The following DCC variants were observed in gnomAD, a reference collection of about 807,000 sequenced individuals.
DCC encodes DCC netrin 1 receptor.
A neutral mutation model predicts 172.5 loss-of-function variants in DCC; 58 were observed. The observed-to-expected ratio is 0.34, with a 90% CI of 0.27 to 0.42. The LOEUF is 0.42. Ranked by LOEUF, DCC falls within the 10% of genes least tolerant of loss-of-function variation. The probability of loss-of-function intolerance (pLI) is 1.00; values close to 1 mark genes in which losing one functional copy is unlikely to be tolerated. For synonymous variants in DCC, 709 were observed against 644.5 expected (o/e 1.10, Z -1.52); for missense variants, 1,740 against 1,791.0 (o/e 0.97, Z 0.51).
At chr18:52,863,572 C>T (rs1466984526) in intron 2 of DCC, among the ~76,000 whole-genome samples, 1 of 151,614 alleles carries the variant, frequency 6.6e-6, no homozygotes, top group Non-Finnish European at 1.5e-5. Context: ...TGGAAATGAT[C>T]TAGATATTCA....
chr18:53,168,554 G>A (rs908958073), intron 8 of DCC, among the ~76,000 whole-genome samples: 20 of 143,550 alleles, frequency 1.4e-4, no homozygotes, highest in African/African-American at 5.2e-4. Context: ...ATCACACACT[G>A]GGGTCTGTCT....
intron 3 of DCC, among the ~76,000 whole-genome samples, chr18:52,916,765 C>A (rs1014205840): frequency 6.6e-6 from 1 of 152,086 alleles, no homozygotes; most frequent in African/African-American, 2.4e-5. Flanking sequence ...TCAAAGTACA[C>A]CTCCCTTTTC....
chr18:52,941,549 C>T (rs1291934617), intron 5 of DCC, among the ~76,000 whole-genome samples: 1 of 151,320 alleles, frequency 6.6e-6, no homozygotes, highest in Admixed American at 6.6e-5. Context: ...AAAATGCGCT[C>T]ATATACACAC....
intron 12 of DCC, among the ~76,000 whole-genome samples, chr18:53,255,216 T>C (rs12966074): frequency 0.089 from 13,487 of 151,790 alleles, 676 homozygotes; most frequent in Middle Eastern, 0.18. Context: ...TTTTGTTTTT[T>C]TTTCTATTAT....
chr18:52,565,669 A>C (rs867987011), intron 1 of DCC, among the ~76,000 whole-genome samples: 19 of 151,812 alleles, frequency 1.3e-4, no homozygotes, highest in Admixed American at 2.6e-4. Context: ...ATATCCTTTG[A>C]CCACTTTTTG....
intron 1 of DCC, among the ~76,000 whole-genome samples, chr18:52,411,977 AC>A (rs1054726619): frequency 1.3e-5 from 2 of 151,676 alleles, no homozygotes; most frequent in African/African-American, 2.4e-5. Flanking sequence ...CCCTCTTGCC[AC>A]CCCCACTTAT....
At chr18:53,033,723 A>G (rs2042055623) in intron 5 of DCC, among the ~76,000 whole-genome samples, 1 of 152,090 alleles carries the variant, frequency 6.6e-6, no homozygotes, top group Non-Finnish European at 1.5e-5. Flanking sequence ...TCTTAAAAGA[A>G]TGCACTTTTT....
intron 22 of DCC, among the ~76,000 whole-genome samples, chr18:53,444,032 ATGT>A (rs1233188881): frequency 1.3e-5 from 2 of 152,218 alleles, no homozygotes; most frequent in East Asian, 3.8e-4. Context: ...GCTAGTGAAG[ATGT>A]TGTGAATATT....
At chr18:52,872,868 C>T (rs1312917464) in intron 2 of DCC, among the ~76,000 whole-genome samples, 1 of 152,110 alleles carries the variant, frequency 6.6e-6, no homozygotes, top group African/African-American at 2.4e-5. Flanking sequence ...AAATCTTCAC[C>T]ACATTTTATT....
chr18:52,443,573 G>C (rs1024581220), intron 1 of DCC, among the ~76,000 whole-genome samples: 1 of 152,138 alleles, frequency 6.6e-6, no homozygotes, highest in Non-Finnish European at 1.5e-5. Context: ...GACATTCTAG[G>C]CAGAAAGAAC....
intron 8 of DCC, among the ~76,000 whole-genome samples, chr18:53,167,433 A>G (rs1172280997): frequency 1.3e-5 from 2 of 152,170 alleles, no homozygotes; most frequent in South Asian, 2.1e-4. Context: ...CCCACTCTCC[A>G]TTACGGATAA....
At chr18:52,366,288 G>A (rs1339358198) in intron 1 of DCC, among the ~76,000 whole-genome samples, 6 of 152,106 alleles carry the variant, frequency 3.9e-5, no homozygotes, top group Non-Finnish European at 8.8e-5. Context: ...AAGCAGCGTG[G>A]ACCCAAACAG....
chr18:52,550,502 G>C (rs1387043327), intron 1 of DCC, among the ~76,000 whole-genome samples: 1 of 152,000 alleles, frequency 6.6e-6, no homozygotes, highest in South Asian at 2.1e-4. Context: ...TAAGCCTATG[G>C]GCTTTGATAT....
intron 2 of DCC, among the ~76,000 whole-genome samples, chr18:52,753,433 G>A (rs912576392): frequency 6.6e-6 from 1 of 152,034 alleles, no homozygotes; most frequent in East Asian, 1.9e-4. Flanking sequence ...TCTAAGGGAG[G>A]ACTTCTCATT....
At chr18:53,054,962 T>A (rs2042384428) in intron 5 of DCC, among the ~76,000 whole-genome samples, 1 of 152,142 alleles carries the variant, frequency 6.6e-6, no homozygotes, top group Admixed American at 6.6e-5. Context: ...GTGCAATTGG[T>A]ATGAACTTTA....
intron 13 of DCC, among the ~76,000 whole-genome samples, chr18:53,317,251 C>T (rs1178462925): frequency 1.3e-5 from 2 of 152,068 alleles, no homozygotes; most frequent in Non-Finnish European, 2.9e-5. Context: ...TTGAGATAAT[C>T]ATATGGTTCT....
intron 1 of DCC, among the ~76,000 whole-genome samples, chr18:52,485,830 A>C (rs899465505): frequency 1.8e-4 from 27 of 152,176 alleles, no homozygotes; most frequent in African/African-American, 5.3e-4. Flanking sequence ...TCAACAGTGG[A>C]ATATGATCTG....
chr18:53,025,207 A>G (rs1401943222), intron 5 of DCC, among the ~76,000 whole-genome samples: 1 of 152,166 alleles, frequency 6.6e-6, no homozygotes, highest in African/African-American at 2.4e-5. Flanking sequence ...AGAATTCGTG[A>G]AAAATAGCTA....
chr18:53,126,693 G>T (rs1293475425), intron 7 of DCC, among the ~76,000 whole-genome samples: 1 of 152,098 alleles, frequency 6.6e-6, no homozygotes, highest in South Asian at 2.1e-4. Context: ...TCATCTTAAA[G>T]TTCGTGTTCT....
Sources: gnomAD v4.1 joint callset for allele counts (sites outside exome capture counted in the v4.1 genomes callset) on GRCh38, gnomAD v4.1.1 for gene constraint, MANE v1.5 for transcripts, NCBI Gene and HGNC (gene_info 2026-07-23, HGNC 2026-07-21) for gene names.